The following PLVAP variants were observed in gnomAD, a reference collection of about 807,000 sequenced individuals.
The protein encoded by PLVAP is plasmalemma vesicle associated protein.
A neutral mutation model predicts 43.1 loss-of-function variants in PLVAP; 34 were observed. The observed-to-expected ratio is 0.79, with a 90% CI of 0.60 to 1.05. PLVAP has a LOEUF of 1.05. PLVAP is among the 50% of genes least tolerant of loss of function. PLVAP has a pLI of 0.00. For synonymous variants in PLVAP, 241 were observed against 237.3 expected (o/e 1.02, Z -0.14); for missense variants, 574 against 593.4 (o/e 0.97, Z 0.34).
At chr19:17,368,911 G>A (rs1365156459) in intron 1 of PLVAP, among the ~76,000 whole-genome samples, 1 of 152,158 alleles carries the variant, frequency 6.6e-6, no homozygotes, top group East Asian at 1.9e-4. Flanking sequence ...CGGGGAGGCG[G>A]AGGTTGCAGT....
At position 17,352,550 on chromosome 19, in the gene PLVAP, T is replaced by A. The variant is rs73929063; in HGVS notation, c.1323-182A>T. ...CCCCAGGGCTCCTTCGGGTTCAGCC[T>A]CTCCATGAGACGCTCATGTGTTGAA... On this transcript the variant is annotated intron_variant, in intron 5 of 5. Coordinates refer to ENST00000252590, the MANE Select transcript of PLVAP (RefSeq NM_031310.3). Among the ~76,000 whole-genome samples the A allele has an allele frequency of 4.2e-3, 639 of 152,086 alleles. 5 individuals carry two copies. Among genetic ancestry groups the A allele is most frequent in the African/African-American group, 0.014 (577 of 41,482 alleles).
chr19:17,376,196 TA>T (rs1009790323), intron 1 of PLVAP, among the ~76,000 whole-genome samples: 15 of 148,626 alleles, frequency 1.0e-4, no homozygotes, highest in African/African-American at 2.7e-4. Flanking sequence ...AGAAAAGAAA[TA>T]AAAAAAATTT....
chr19:17,376,842 G>A, intron 1 of PLVAP, 78 bp downstream of exon 1: 1 of 1,376,924 alleles, frequency 7.3e-7, no homozygotes, highest in Non-Finnish European at 9.9e-7. Flanking sequence ...CCCTCTCTTG[G>A]ATGAGGAAAC....
intron 5 of PLVAP, among the ~76,000 whole-genome samples, chr19:17,354,616 G>T: frequency 7.8e-6 from 1 of 128,406 alleles, no homozygotes; most frequent in Non-Finnish European, 1.6e-5. Flanking sequence ...AAAAAAAAAA[G>T]GGCCGGGCGC....
chr19:17,363,749 T>C (rs1318842607), intron 3 of PLVAP, among the ~76,000 whole-genome samples: 1 of 150,768 alleles, frequency 6.6e-6, no homozygotes, highest in Admixed American at 6.6e-5. Flanking sequence ...TAATTTTTTT[T>C]TTTTTTTTTT....
In PLVAP at chr19:17,352,193, G is replaced by A. The variant is rs1042557421; in HGVS notation, c.*169C>T. ...GGGTGAGGGATCGTGAGGCGCGGGT[G>A]CGGGTGTGAGAGGGTACTAGGGGTT... On this transcript the variant is annotated 3_prime_UTR_variant, in exon 6 of 6. Coordinates refer to ENST00000252590, the MANE Select transcript of PLVAP (RefSeq NM_031310.3). The A allele has an allele frequency of 4.6e-6, 4 of 864,830 alleles. No homozygotes were observed. The African/African-American group carries it at 5.0e-5, about 11-fold the overall frequency. The allele number at this position is 864,830 out of a possible 1,614,324, so 53.6% of individuals were successfully genotyped here.
intron 5 of PLVAP, among the ~76,000 whole-genome samples, chr19:17,355,599 GC>G (rs2074503957): frequency 6.7e-6 from 1 of 149,922 alleles, no homozygotes; most frequent in Non-Finnish European, 1.5e-5. Flanking sequence ...TGCAATCTCA[GC>G]TCACTGCAAC....
chr19:17,359,020 G>C, intron 5 of PLVAP, among the ~76,000 whole-genome samples: 1 of 151,924 alleles, frequency 6.6e-6, no homozygotes, highest in Admixed American at 6.6e-5. Flanking sequence ...GACTGGTCTT[G>C]AACTCCTGGG....
chr19:17,369,635 CAAAA>C, intron 1 of PLVAP, among the ~76,000 whole-genome samples: 1 of 124,438 alleles, frequency 8.0e-6, no homozygotes, highest in African/African-American at 2.8e-5. Context: ...ACTCTATGTC[CAAAA>C]AAAAAAAAAA....
intron 3 of PLVAP, among the ~76,000 whole-genome samples, chr19:17,364,104 G>A (rs1441324846): frequency 2.0e-5 from 3 of 150,902 alleles, no homozygotes; most frequent in African/African-American, 7.3e-5. Context: ...TTGTTTGTTT[G>A]AGATGGAGTC....
In PLVAP at chr19:17,360,555, G is replaced by A; in HGVS notation, c.1295C>T (p.Pro432Leu). ...KRKILESQRPPAGIPVAPSSG is the reference protein window; with the variant it reads ...KRKILESQRPLAGIPVAPSSG ...GGATGGGGCTACAGGGATGCCTGCA[G>A]GGGGCCTCTGGGACTCCAGGATCTT... The change falls in exon 5 of 6, where the codon CCT (proline) becomes CTT (leucine). Residue 432 changes from proline to leucine, a missense_variant. Physicochemically the swap from Pro to Leu is moderately conservative, Grantham distance 98. Coordinates refer to ENST00000252590, the MANE Select transcript of PLVAP (RefSeq NM_031310.3). 6.2e-7 allele frequency: 1 copy of A among 1,614,042 alleles called. No individual in the cohort carries two copies.
In PLVAP at chr19:17,365,476, T is replaced by C. The variant is rs766293089; in HGVS notation, c.989A>G (p.Gln330Arg). 2 of 1,612,702 alleles carry C rather than the reference T, an allele frequency of 1.2e-6. No homozygotes were observed. The highest frequency in any genetic ancestry group is 4.5e-5 in the East Asian group (2 of 44,890). The change falls in exon 3 of 6, where the codon CAG becomes CGG. Residue 330 changes from glutamine to arginine, a missense_variant. By Grantham distance (43) the Gln-to-Arg change is conservative. Coordinates refer to ENST00000252590, the MANE Select transcript of PLVAP (RefSeq NM_031310.3). ...AGCTTGGAGCTTGGCCTCCCGGGCC[T>C]GAGCCTCCTTCTCCACCTTCTGTTT... ...EAKQKVEKEA[Q>R]AREAKLQAEC...
chr19:17,357,495 C>T lies in PLVAP; in HGVS notation c.1322+3033G>A, dbSNP rs184227741. On this transcript the variant is annotated intron_variant, in intron 5 of 5. Transcript: ENST00000252590. Reference sequence around the variant, plus strand: ...CTGGGCAACATAGCAAGACCCCTGTCTCTACAAAAAAATAACAATTTAGCT... The same window carrying T: ...CTGGGCAACATAGCAAGACCCCTGTTTCTACAAAAAAATAACAATTTAGCT... Among the ~76,000 whole-genome samples the T allele has an allele frequency of 5.8e-3, 884 of 151,780 alleles. 6 individuals are homozygous for T. Among genetic ancestry groups the T allele is most frequent in the Non-Finnish European group, 5.9e-3 (398 of 67,912 alleles).
intron 5 of PLVAP, among the ~76,000 whole-genome samples, chr19:17,355,587 G>A (rs1241791994): frequency 1.3e-5 from 2 of 149,068 alleles, no homozygotes; most frequent in Non-Finnish European, 3.0e-5. Flanking sequence ...GGAGTGCAGT[G>A]GTGCAATCTC....
chr19:17,370,087 C>CACT (rs2074566634), intron 1 of PLVAP, among the ~76,000 whole-genome samples: 1 of 151,104 alleles, frequency 6.6e-6, no homozygotes, highest in Admixed American at 6.6e-5. Context: ...AGTGAGATAC[C>CACT]ACTACACACC....
intron 3 of PLVAP, chr19:17,361,083 T>G (rs2077388333): frequency 2.4e-6 from 1 of 411,154 alleles, no homozygotes; most frequent in Admixed American, 4.0e-5. Context: ...CCTGGCTAAT[T>G]TTTTGTATTT....
At chr19:17,365,242 G>A (rs1327639898) in intron 3 of PLVAP, 44 bp downstream of exon 3, 1 of 1,546,706 alleles carries the variant, frequency 6.5e-7, no homozygotes, top group East Asian at 2.3e-5. Context: ...TTGGCATCTG[G>A]ACCTAACTCC....
intron 1 of PLVAP, among the ~76,000 whole-genome samples, chr19:17,371,059 A>ACAAG (rs2074570292): frequency 6.6e-6 from 1 of 151,288 alleles, no homozygotes; most frequent in South Asian, 2.1e-4. Flanking sequence ...CCATCTCAAA[A>ACAAG]CAAACAAACA....
At chr19:17,366,759 G>T (rs1247117441) in intron 1 of PLVAP, among the ~76,000 whole-genome samples, 1 of 151,214 alleles carries the variant, frequency 6.6e-6, no homozygotes, top group Non-Finnish European at 1.5e-5. Flanking sequence ...AGCCTCCCAA[G>T]CAGCTGAGAT....
Sources: allele counts gnomAD v4.1 joint callset (sites outside exome capture counted in the v4.1 genomes callset), GRCh38; gene constraint gnomAD v4.1.1; transcripts MANE v1.5; gene names NCBI Gene and HGNC (gene_info 2026-07-23, HGNC 2026-07-21).